Variants in CHL1 observed in about 807,000 individuals in gnomAD.
The protein encoded by CHL1 is neural cell adhesion molecule L1-like protein.
CHL1 carries 96 observed loss-of-function variants against 141.9 expected under a neutral mutation model. The ratio of observed to expected loss-of-function variants is 0.68; its 90% CI spans 0.57 to 0.80. CHL1 has a LOEUF of 0.80. CHL1 is among the 30% of genes least tolerant of loss of function. The probability of loss-of-function intolerance (pLI) is 0.00; values close to 1 mark genes in which losing one functional copy is unlikely to be tolerated. For missense variants in CHL1, 1,820 were observed against 1,457.2 expected (o/e 1.25, Z -4.05); for synonymous variants, 613 against 502.2 (o/e 1.22, Z -2.95).
intron 1 of CHL1, chr3:197,682 T>C: frequency 2.5e-6 from 1 of 403,900 alleles, no homozygotes; most frequent in Non-Finnish European, 4.9e-6. Context: ...CCATGGACCG[T>C]GGGGTTGTGG....
chr3:271,790 T>C (rs1347637703), intron 2 of CHL1, among the ~76,000 whole-genome samples: 2 of 152,070 alleles, frequency 1.3e-5, no homozygotes, highest in Non-Finnish European at 2.9e-5. Context: ...CATTGATGAA[T>C]GTGGGTAAGG....
At chr3:209,642 G>A (rs772013239) in intron 1 of CHL1, among the ~76,000 whole-genome samples, 5 of 152,206 alleles carry the variant, frequency 3.3e-5, no homozygotes, top group South Asian at 4.1e-4. Context: ...GTATACATGT[G>A]CCATGTTGGT....
chr3:322,339 G>A (rs375803459), intron 3 of CHL1, among the ~76,000 whole-genome samples: 2 of 151,764 alleles, frequency 1.3e-5, no homozygotes, highest in African/African-American at 4.8e-5. Context: ...ATTAGAGTTT[G>A]GAAAGGCATT....
At position 299,621 on chromosome 3, in the gene CHL1, T is replaced by A. The variant is rs1698532763; in HGVS notation, c.-94-20062T>A. On this transcript the variant is annotated intron_variant, in intron 2 of 27. Coordinates refer to ENST00000256509, the MANE Select transcript of CHL1 (RefSeq NM_006614.4). ...ACATCTTGATTTTATAAATAAGAAT[T>A]TAGTTCAGCAGCTAGTTAGATACTA... Among the ~76,000 whole-genome samples the A allele has an allele frequency of 2.0e-5, 3 of 152,136 alleles. No homozygotes were observed. The South Asian group carries it at 6.2e-4, about 32-fold the overall frequency.
intron 2 of CHL1, among the ~76,000 whole-genome samples, chr3:305,728 T>C (rs1032355320): frequency 2.0e-5 from 3 of 151,482 alleles, no homozygotes; most frequent in African/African-American, 7.3e-5. Context: ...AATATAAATG[T>C]CTGGAAGTGT....
chr3:388,184 T>G (rs1339393603), intron 19 of CHL1, among the ~76,000 whole-genome samples: 2 of 151,984 alleles, frequency 1.3e-5, no homozygotes, highest in Non-Finnish European at 2.9e-5. Context: ...TAAACCACAT[T>G]ATTGTTTTTA....
At chr3:325,417 T>C (rs1559257119) in intron 3 of CHL1, among the ~76,000 whole-genome samples, 1 of 151,456 alleles carries the variant, frequency 6.6e-6, no homozygotes, top group Non-Finnish European at 1.5e-5. Context: ...GAAAAATCTA[T>C]TTACTCAAAA....
chr3:240,052 C>G (rs1026006531), intron 1 of CHL1, among the ~76,000 whole-genome samples: 2 of 152,192 alleles, frequency 1.3e-5, no homozygotes, highest in African/African-American at 4.8e-5. Flanking sequence ...CTGCTATAAA[C>G]ATGCATGTGC....
chr3:228,702 T>C (rs1701596604), intron 1 of CHL1, among the ~76,000 whole-genome samples: 1 of 152,188 alleles, frequency 6.6e-6, no homozygotes, highest in Non-Finnish European at 1.5e-5. Flanking sequence ...TAATATGGGA[T>C]AGCAACGGAT....
At chr3:403,489 G>A (rs1470319064) in intron 27 of CHL1, among the ~76,000 whole-genome samples, 1 of 152,146 alleles carries the variant, frequency 6.6e-6, no homozygotes, top group Admixed American at 6.6e-5. Flanking sequence ...GGAGGTTGCA[G>A]TAAGCTGAGA....
intron 18 of CHL1, 123 bp from the exon 19 acceptor site, chr3:383,693 A>G (rs992990933): frequency 1.9e-5 from 11 of 582,718 alleles, no homozygotes; most frequent in Non-Finnish European, 2.8e-5. Flanking sequence ...TGGACCAGAT[A>G]TAAATTAATA....
At chr3:198,426 C>T (rs772373318) in intron 1 of CHL1, among the ~76,000 whole-genome samples, 1 of 152,182 alleles carries the variant, frequency 6.6e-6, no homozygotes, top group Admixed American at 6.5e-5. Flanking sequence ...GTGGGCCCCC[C>T]GGGCTCGCTC....
Position 342,976 on chromosome 3 carries a change from T to A in CHL1, c.680-8T>A, listed in dbSNP as rs1702456736. 1.2e-6 allele frequency: 2 copies of A among 1,601,384 alleles called. No individual in the cohort carries two copies. Among genetic ancestry groups the A allele is most frequent in the South Asian group, 2.3e-5 (2 of 88,132 alleles). On this transcript the variant is annotated splice_region_variant and splice_polypyrimidine_tract_variant and intron_variant, in intron 7 of 27. Transcript: ENST00000256509. Reference sequence around the variant, plus strand: ...TTTGTGTTTTTTCCTTCCGTTTTTTTATTTCAGTAAAGCATGCTAATGACT... The same window carrying A: ...TTTGTGTTTTTTCCTTCCGTTTTTTAATTTCAGTAAAGCATGCTAATGACT...
chr3:371,720 G>T (rs530420020), intron 15 of CHL1, among the ~76,000 whole-genome samples: 1 of 152,038 alleles, frequency 6.6e-6, no homozygotes, highest in Non-Finnish European at 1.5e-5. Context: ...TTATATTTTG[G>T]TGTGTTTTTG....
At chr3:364,112 T>A (rs1391887083) in intron 14 of CHL1, 2 of 152,320 alleles carry the variant, frequency 1.3e-5, no homozygotes, top group East Asian at 3.9e-4. Context: ...TCCACTGATG[T>A]CTTGACATTT....
At chr3:392,231 T>G (rs528337239) in intron 23 of CHL1, among the ~76,000 whole-genome samples, 134 of 152,332 alleles carry the variant, frequency 8.8e-4, no homozygotes, top group African/African-American at 3.1e-3. Flanking sequence ...GTAGGAAACA[T>G]GTGAAAGAGT....
intron 2 of CHL1, chr3:309,424 CTCTT>C (rs1353906575): frequency 5.5e-5 from 8 of 146,490 alleles, no homozygotes; most frequent in African/African-American, 1.5e-4. Flanking sequence ...TCTTTTCTTC[CTCTT>C]TCTTTCTCTT....
chr3:359,819 G>A (rs76878149), intron 11 of CHL1, among the ~76,000 whole-genome samples: 4 of 152,296 alleles, frequency 2.6e-5, no homozygotes, highest in African/African-American at 9.6e-5. Context: ...GAAAACTGTA[G>A]AGAGGCAGAG....
rs5845970 is a variant in CHL1, at chr3:406,400, G to GTTTT, written c.*700_*703dup. 2 of 141,530 alleles carry GTTTT rather than the reference G, an allele frequency of 1.4e-5. No homozygotes were observed. Among genetic ancestry groups the GTTTT allele is most frequent in the Non-Finnish European group, 3.1e-5 (2 of 64,682 alleles). The allele number at this position is 141,530 out of a possible 1,614,324, so 8.8% of individuals were successfully genotyped here. On this transcript the variant is annotated 3_prime_UTR_variant, in exon 28 of 28. Coordinates refer to ENST00000256509, the MANE Select transcript of CHL1 (RefSeq NM_006614.4). ...TCCACAAGCATCACTTTTTGTGTCT[G>GTTTT]TTTTTTTTTTTTTTCTTGGACTAAA...
Sources: allele counts gnomAD v4.1 joint callset (sites outside exome capture counted in the v4.1 genomes callset), GRCh38; gene constraint gnomAD v4.1.1; transcripts MANE v1.5; gene names NCBI Gene and HGNC (gene_info 2026-07-23, HGNC 2026-07-21).